Variants in LIPA observed in about 807,000 individuals in gnomAD.
LIPA encodes lysosomal acid lipase/cholesteryl ester hydrolase.
Under a neutral mutation model 40.6 loss-of-function variants are expected in LIPA, and 26 were observed. The observed-to-expected ratio is 0.64, with a 90% CI of 0.47 to 0.89. LIPA has a LOEUF of 0.89. Among genes scored for constraint, LIPA ranks in the 40% least tolerant of loss-of-function variants. The probability of loss-of-function intolerance (pLI) is 0.00; values close to 1 mark genes in which losing one functional copy is unlikely to be tolerated. For missense variants in LIPA, 455 were observed against 479.6 expected (o/e 0.95, Z 0.48); for synonymous variants, 188 against 168.4 (o/e 1.12, Z -0.90).
intron 2 of LIPA, chr10:89,402,977 T>C: frequency 1.2e-6 from 2 of 1,614,078 alleles, no homozygotes; most frequent in Non-Finnish European, 1.7e-6. Context: ...GACAGGAAGC[T>C]GAAGGAGAAA....
chr10:89,377,202 TTTGA>T (rs1191021851), intron 2 of LIPA, among the ~76,000 whole-genome samples: 1 of 152,224 alleles, frequency 6.6e-6, no homozygotes, highest in Non-Finnish European at 1.5e-5. Flanking sequence ...GTGAACATTG[TTTGA>T]TTGACTCTCT....
At chr10:89,230,627 TCAA>T (rs1311014222) in intron 3 of LIPA, among the ~76,000 whole-genome samples, 1 of 152,114 alleles carries the variant, frequency 6.6e-6, no homozygotes, top group Admixed American at 6.5e-5. Context: ...TTTAGACAGC[TCAA>T]ACAAACCTAG....
intron 1 of LIPA, among the ~76,000 whole-genome samples, chr10:89,310,228 T>C (rs996979660): frequency 6.6e-6 from 1 of 152,150 alleles, no homozygotes; most frequent in African/African-American, 2.4e-5. Flanking sequence ...GTGAAAAAGA[T>C]TCATCACTTC....
intron 1 of LIPA, chr10:89,339,367 C>T: frequency 6.2e-7 from 1 of 1,613,862 alleles, no homozygotes; most frequent in Non-Finnish European, 8.5e-7. Context: ...GGAAAAGTCT[C>T]CTTGCCAAAC....
Position 89,223,309 on chromosome 10 carries a change from C to T in LIPA, c.822+375G>A, listed in dbSNP as rs539442613. On this transcript the variant is annotated intron_variant, in intron 7 of 9. Coordinates refer to ENST00000336233, the MANE Select transcript of LIPA (RefSeq NM_000235.4). ...CTATAGTACTCAACAGGCTTCAGCCCTTGTCCCTCTCCCTCCTTCCTTTTG... is the reference window on the plus strand; with the variant it reads ...CTATAGTACTCAACAGGCTTCAGCCTTTGTCCCTCTCCCTCCTTCCTTTTG... Among the ~76,000 whole-genome samples, 13 of 152,288 alleles carry T rather than the reference C, an allele frequency of 8.5e-5. 1 individual carries two copies. In the East Asian group the frequency reaches 2.3e-3, roughly 27 times the overall value.
intron 8 of LIPA, among the ~76,000 whole-genome samples, chr10:89,219,476 T>A (rs1589551180): frequency 6.6e-6 from 1 of 152,232 alleles, no homozygotes; most frequent in African/African-American, 2.4e-5. Flanking sequence ...AAGATGAGTA[T>A]GCTATATTTA....
intron 1 of LIPA, among the ~76,000 whole-genome samples, chr10:89,295,044 A>AGGAAAGGAAAGGAAT (rs1843404983): frequency 6.7e-6 from 1 of 149,986 alleles, no homozygotes; most frequent in African/African-American, 2.5e-5. Context: ...AGGAAAGGAA[A>AGGAAAGGAAAGGAAT]GGAAAGGAAA....
intron 1 of LIPA, among the ~76,000 whole-genome samples, chr10:89,294,299 T>C (rs1179003707): frequency 6.6e-6 from 1 of 152,168 alleles, no homozygotes; most frequent in African/African-American, 2.4e-5. Flanking sequence ...ATACCACAGA[T>C]GGGCAGATTG....
intron 2 of LIPA, among the ~76,000 whole-genome samples, chr10:89,367,335 AAGAC>A (rs1844063871): frequency 2.0e-5 from 3 of 152,234 alleles, no homozygotes; most frequent in Admixed American, 1.3e-4. Flanking sequence ...ATTAAAAAAA[AAGAC>A]AGAGATCTGC....
chr10:89,266,754 C>T (rs1843238262), intron 1 of LIPA, among the ~76,000 whole-genome samples: 2 of 152,224 alleles, frequency 1.3e-5, no homozygotes, highest in South Asian at 4.1e-4. Flanking sequence ...CAAGTAACCT[C>T]ATAAATCTGT....
rs147426329 is a variant in LIPA, at chr10:89,222,516, T to A, written c.889A>T (p.Ser297Cys). The change falls in exon 8 of 10, where the codon AGC becomes TGC. Residue 297 changes from serine (S) to cysteine (C), a missense_variant. By Grantham distance (112) the Ser-to-Cys change is moderately radical. Transcript: ENST00000336233. ...GTSVQNMLHW[S>C]QAVKFQKFQA... ...TGCACTCCTGGAATGCCTACCTGGC[T>A]CCAGTGTAACATGTTTTGCACAGAA... 1 of 1,606,212 alleles carries A rather than the reference T, an allele frequency of 6.2e-7. No homozygotes were observed. The highest frequency in any genetic ancestry group is 1.7e-5 in the Admixed American group (1 of 60,014).
chr10:89,407,963 C>T (rs141966216), intron 2 of LIPA, among the ~76,000 whole-genome samples: 2,829 of 150,306 alleles, frequency 0.019, 31 homozygotes, highest in African/African-American at 0.035. Context: ...GGGACCATTG[C>T]GGGTTCTTGG....
At chr10:89,305,182 G>C (rs1843470585) in intron 1 of LIPA, among the ~76,000 whole-genome samples, 1 of 151,820 alleles carries the variant, frequency 6.6e-6, no homozygotes, top group Admixed American at 6.6e-5. Context: ...AATTAAATGA[G>C]AGAATAATAC....
chr10:89,364,427 C>T (rs75051999), intron 2 of LIPA, among the ~76,000 whole-genome samples: 1 of 152,232 alleles, frequency 6.6e-6, no homozygotes, highest in East Asian at 1.9e-4. Flanking sequence ...AGAAGATCTA[C>T]AAACAAAGCA....
intron 2 of LIPA, among the ~76,000 whole-genome samples, chr10:89,361,763 C>A (rs546122749): frequency 5.9e-4 from 89 of 151,668 alleles, no homozygotes; most frequent in Non-Finnish European, 1.1e-3. Context: ...GGGACAGCAC[C>A]AAACACTTGG....
exon 1 of LIPA, chr10:89,342,680 C>T (rs1399898443): frequency 1.3e-5 from 2 of 152,164 alleles, no homozygotes; most frequent in East Asian, 3.8e-4. Flanking sequence ...AGCTCAGTTT[C>T]GTGTTTTCTG....
At position 89,403,399 on chromosome 10, in the gene LIPA, A is replaced by G. The variant is rs781285951; in HGVS notation, c.61+9392T>C. On this transcript the variant is annotated intron_variant, in intron 2 of 8. Transcript: ENST00000371837. ...TTATGCATGAAACCAGTGGTAGAAG[A>G]AACAATGCAAGACATACATTTCCAC... The G allele has an allele frequency of 4.3e-6, 7 of 1,613,744 alleles. No homozygotes were observed. In the Admixed American group the frequency reaches 5.0e-5, roughly 12 times the overall value.
intron 2 of LIPA, among the ~76,000 whole-genome samples, chr10:89,359,844 A>AAAC (rs1844011409): frequency 9.0e-6 from 1 of 111,262 alleles, no homozygotes; most frequent in African/African-American, 3.4e-5. Context: ...CACACACACA[A>AAAC]ACACACACAC....
intron 1 of LIPA, among the ~76,000 whole-genome samples, chr10:89,260,335 G>A (rs1398680730): frequency 6.6e-6 from 1 of 152,150 alleles, no homozygotes; most frequent in Non-Finnish European, 1.5e-5. Context: ...ACTCTCCTAA[G>A]GGTTGCAGAT....
Sources: gnomAD v4.1 joint callset for allele counts (sites outside exome capture counted in the v4.1 genomes callset) on GRCh38, gnomAD v4.1.1 for gene constraint, MANE v1.5 for transcripts, NCBI Gene and HGNC (gene_info 2026-07-23, HGNC 2026-07-21) for gene names.